The following ABCA4 variants were observed in gnomAD, a reference collection of about 807,000 sequenced individuals.
ABCA4 encodes the protein retinal-specific phospholipid-transporting ATPase ABCA4.
In ABCA4, 196 loss-of-function variants were observed where a neutral mutation model predicts 263.7. That is an observed-to-expected ratio of 0.74 (90% confidence interval 0.66 to 0.84). The LOEUF (loss-of-function observed/expected upper bound fraction) is 0.84, where lower values mean the gene tolerates loss of function less well. Ranked by LOEUF, ABCA4 falls within the 40% of genes least tolerant of loss-of-function variation. The pLI is 0.00. For synonymous variants in ABCA4, 1,133 were observed against 1,094.2 expected, an observed-to-expected ratio of 1.04 and a Z score of -0.70; for missense variants, 2,792 against 2,855.1, an observed-to-expected ratio of 0.98 and a Z score of 0.50.
chr1:94,112,021 A>G (rs76151282), intron 2 of ABCA4, among the ~76,000 whole-genome samples: 1 of 151,712 alleles, frequency 6.6e-6, no homozygotes, highest in African/African-American at 2.4e-5. Flanking sequence ...GGGGAGAGGT[A>G]AAGAAGAGTC....
intron 1 of ABCA4, among the ~76,000 whole-genome samples, chr1:94,117,154 G>C (rs1415326311): frequency 6.6e-6 from 1 of 151,212 alleles, no homozygotes; most frequent in Non-Finnish European, 1.5e-5. Flanking sequence ...TTCTGGCAAG[G>C]GCACAGTTGT....
chr1:94,057,449 G>A (rs1288226277), intron 14 of ABCA4, among the ~76,000 whole-genome samples: 4 of 152,188 alleles, frequency 2.6e-5, no homozygotes, highest in African/African-American at 9.7e-5. Flanking sequence ...GATAAACCAG[G>A]TATATGGAAA....
Position 93,993,062 on chromosome 1 carries a change from T to A in ABCA4, c.*175A>T. 2 of 783,442 alleles carry A rather than the reference T, an allele frequency of 2.6e-6. No homozygotes were observed. The highest frequency in any genetic ancestry group is 4.1e-6 in the Non-Finnish European group (2 of 485,060). The allele number at this position is 783,442 out of a possible 1,614,324, so 48.5% of individuals were successfully genotyped here. A position where few individuals can be genotyped will look rare whatever the true frequency, so the allele number is the denominator to read the frequency against. ...CCAGGTGAGCAAGTCAGTTTCGGTT[T>A]CCTTCTGAAAGACCTCTTTCTGAAT... is the stretch of plus-strand genomic sequence containing the variant. On this transcript the variant is annotated 3_prime_UTR_variant, in exon 50 of 50. Transcript: ENST00000370225.
In ABCA4 at chr1:94,065,128, A is replaced by T. The variant is rs950989818; in HGVS notation, c.1555-1811T>A. 2.6e-5 allele frequency among the ~76,000 whole-genome samples: 4 copies of T among 151,496 alleles called. No homozygotes were observed. The East Asian group carries it at 5.8e-4, about 22-fold the overall frequency. On this transcript the variant is annotated intron_variant, in intron 11 of 49. Transcript: ENST00000370225. ...CCAGAGAGACAGTGGCAGAGCTGGG[A>T]CTCCCTCCCCAATTTCACCTTCAGG...
rs1305381076 is a variant in ABCA4 at position 94,044,623 on chromosome 1, G to A, written c.3040C>T (p.Leu1014=). Residue 1014 remains leucine (L), a synonymous_variant, in exon 20 of 50, where the codon CTG becomes TTG. Coordinates refer to ENST00000370225, the MANE Select transcript of ABCA4 (RefSeq NM_000350.3). ...TCCTGTGTCGCTTACTGGTGGAACAGGATGTTGTGCTGTGGACACATGCCA... is the reference window on the plus strand; with the variant it reads ...TCCTGTGTCGCTTACTGGTGGAACAAGATGTTGTGCTGTGGACACATGCCA... ...SLGMCPQHNI[L]FHHLTVAEHM... The A allele has an allele frequency of 2.5e-6, 4 of 1,614,224 alleles. No homozygotes were observed. The highest frequency in any genetic ancestry group is 1.7e-5 in the Admixed American group (1 of 60,034).
chr1:94,008,955 C>T, intron 40 of ABCA4, 84 bp from the exon 41 acceptor site: 1 of 1,571,196 alleles, frequency 6.4e-7, no homozygotes, highest in Non-Finnish European at 8.6e-7. Context: ...TCTTCCACTT[C>T]CTTGCTTCTG....
intron 5 of ABCA4, among the ~76,000 whole-genome samples, chr1:94,102,322 G>A (rs1235795353): frequency 6.6e-6 from 1 of 152,024 alleles, no homozygotes; most frequent in Non-Finnish European, 1.5e-5. Flanking sequence ...AGCAGAAGTG[G>A]GCTCTTCTGC....
At position 94,001,887 on chromosome 1, in the gene ABCA4, G is replaced by C; in HGVS notation, c.6253C>G (p.Leu2085Val). The C allele has an allele frequency of 6.2e-7, 1 of 1,614,208 alleles. No homozygotes were observed. The highest frequency in any genetic ancestry group is 8.5e-7 in the Non-Finnish European group (1 of 1,180,036). The part of the protein sequence containing the change: ...NKRKLSTAIA[L>V]IGCPPLVLLD... ...AGCACCAGCGGTGGGCAGCCAATGA[G>C]TGCGATGGCTGTGGAGAGTTTCCGC... Residue 2085 changes from leucine (L) to valine (V), a missense_variant, in exon 45 of 50, where the codon CTC becomes GTC. Leu to Val is a conservative substitution (Grantham distance 32). Coordinates refer to ENST00000370225, the MANE Select transcript of ABCA4 (RefSeq NM_000350.3).
chr1:94,092,202 A>T (rs2101124823), intron 6 of ABCA4, among the ~76,000 whole-genome samples: 1 of 152,354 alleles, frequency 6.6e-6, no homozygotes, highest in South Asian at 2.1e-4. Flanking sequence ...TTTGGGGCAG[A>T]CATGGCCTCT....
intron 11 of ABCA4, among the ~76,000 whole-genome samples, chr1:94,072,521 C>T (rs186923789): frequency 2.0e-5 from 3 of 152,250 alleles, no homozygotes; most frequent in Non-Finnish European, 4.4e-5. Flanking sequence ...GGTGTGTATG[C>T]TTGTTTTAGC....
In ABCA4 at chr1:93,996,196, C is replaced by G; in HGVS notation, c.6730-1G>C. 3 of 1,611,402 alleles carry G rather than the reference C, an allele frequency of 1.9e-6. No homozygotes were observed. The highest frequency in any genetic ancestry group is 2.5e-6 in the Non-Finnish European group (3 of 1,177,994). ...GCTGTTTAGCAAAATTTACAAACAC[C>G]TAGAGGTAAGAGAAGAGCGAGATTA... On this transcript the variant is annotated splice_acceptor_variant, in intron 48 of 49. Coordinates refer to ENST00000370225, the MANE Select transcript of ABCA4 (RefSeq NM_000350.3). LOFTEE classifies it high-confidence loss of function.
At position 94,111,074 on chromosome 1, in the gene ABCA4, G is replaced by C. The variant is rs544828408; in HGVS notation, c.302+364C>G. On this transcript the variant is annotated intron_variant, in intron 3 of 49. Coordinates refer to ENST00000370225, the MANE Select transcript of ABCA4 (RefSeq NM_000350.3). ...AAAGGAAGAGAGATCTGTCCAGGTT[G>C]ATCAGGGTGAGGGAACTGAGTTTTT... 2.0e-5 allele frequency among the ~76,000 whole-genome samples: 3 copies of C among 152,346 alleles called. No individual in the cohort carries two copies. The East Asian group carries it at 5.8e-4, about 29-fold the overall frequency.
At chr1:94,020,799 A>G (rs17110858) in intron 35 of ABCA4, among the ~76,000 whole-genome samples, 38,775 of 152,164 alleles carry the variant, frequency 0.25, 5,967 homozygotes, top group African/African-American at 0.43. Flanking sequence ...AAACTGTGCA[A>G]GAAGAGCCTC....
At position 94,080,657 on chromosome 1, in the gene ABCA4, C is replaced by G; in HGVS notation, c.920G>C (p.Gly307Ala). 6.2e-7 allele frequency: 1 copy of G among 1,614,120 alleles called. No homozygotes were observed. Among genetic ancestry groups the G allele is most frequent in the Non-Finnish European group, 8.5e-7 (1 of 1,180,016 alleles). ...CAGCTTTGTAAAGGTCTCTGGACCA[C>G]CATTCTGCATGAGGGGCCTGGTCAC... ...LWVTRPLMQN[G>A]GPETFTKLMG... is the part of the protein sequence containing the mutation. The change falls in exon 8 of 50, where the codon GGT becomes GCT. Residue 307 changes from glycine to alanine, a missense_variant. Transcript: ENST00000370225.
Position 94,066,048 on chromosome 1 carries a change from T to C in ABCA4, c.1555-2731A>G, listed in dbSNP as rs191202954. Among the ~76,000 whole-genome samples the C allele has an allele frequency of 3.5e-3, 531 of 152,324 alleles. 2 individuals carry two copies. Among genetic ancestry groups the C allele is most frequent in the African/African-American group, 0.012 (495 of 41,562 alleles). ...ACTTAAACAGGTCACACACCAAAAGTTGTCAATAAATGTTTGTTTCTTCTG... is the reference window on the plus strand; with the variant it reads ...ACTTAAACAGGTCACACACCAAAAGCTGTCAATAAATGTTTGTTTCTTCTG... On this transcript the variant is annotated intron_variant, in intron 11 of 49. Transcript: ENST00000370225.
At chr1:94,036,924 CT>C in intron 25 of ABCA4, 136 bp from the exon 26 acceptor site, 1 of 970,372 alleles carries the variant, frequency 1.0e-6, no homozygotes, top group East Asian at 2.5e-5. Context: ...AGAACATCAT[CT>C]TCTATAAATA....
chr1:94,093,722 G>A (rs1203780860), intron 6 of ABCA4, among the ~76,000 whole-genome samples: 1 of 152,174 alleles, frequency 6.6e-6, no homozygotes, highest in Non-Finnish European at 1.5e-5. Context: ...AGACATCAAG[G>A]CAGGCAAGTG....
intron 44 of ABCA4, among the ~76,000 whole-genome samples, chr1:94,003,826 C>G (rs1465109092): frequency 6.6e-6 from 1 of 151,958 alleles, no homozygotes; most frequent in Non-Finnish European, 1.5e-5. Context: ...TTTGTAGAGA[C>G]AGGGTCTCCC....
At chr1:94,001,299 C>T (rs767227190) in intron 45 of ABCA4, among the ~76,000 whole-genome samples, 194 bp from the exon 46 acceptor site, 3 of 152,176 alleles carry the variant, frequency 2.0e-5, no homozygotes, top group Admixed American at 6.5e-5. Context: ...AGTAAAGAAG[C>T]GTGGCGTCCA....
Sources: allele counts gnomAD v4.1 joint callset (sites outside exome capture counted in the v4.1 genomes callset), GRCh38; gene constraint gnomAD v4.1.1; transcripts MANE v1.5; gene names NCBI Gene and HGNC (gene_info 2026-07-23, HGNC 2026-07-21).